The following CCDC3 variants were observed in gnomAD, a reference collection of about 807,000 sequenced individuals.
CCDC3 encodes coiled-coil domain-containing protein 3.
CCDC3 carries 24 observed loss-of-function variants against 21.4 expected under a neutral mutation model. That is an observed-to-expected ratio of 1.12 (90% CI 0.81 to 1.58). The LOEUF (loss-of-function observed/expected upper bound fraction) is 1.58, where lower values mean the gene tolerates loss of function less well. CCDC3 is among the 40% of genes most tolerant of loss of function. CCDC3 has a pLI of 0.00. For synonymous variants in CCDC3, 186 were observed against 166.0 expected (o/e 1.12, Z -0.93); for missense variants, 425 against 360.9 (o/e 1.18, Z -1.44).
At chr10:12,964,552 C>T (rs903801648) in intron 2 of CCDC3, among the ~76,000 whole-genome samples, 9 of 152,094 alleles carry the variant, frequency 5.9e-5, no homozygotes, top group Admixed American at 1.3e-4. Context: ...GAGAGAATGC[C>T]GAGCCAAAAG....
At chr10:12,923,986 G>A (rs1176738957) in intron 2 of CCDC3, among the ~76,000 whole-genome samples, 1 of 152,180 alleles carries the variant, frequency 6.6e-6, no homozygotes, top group African/African-American at 2.4e-5. Context: ...CCTTTGATAG[G>A]TGAATGAAAC....
chr10:13,044,644 C>A (rs965410757), intron 5 of CCDC3, among the ~76,000 whole-genome samples: 1 of 152,132 alleles, frequency 6.6e-6, no homozygotes, highest in Non-Finnish European at 1.5e-5. Context: ...TGTTGAAGAT[C>A]AGATGGCTGC....
chr10:12,975,999 T>C (rs1033252571), intron 2 of CCDC3, among the ~76,000 whole-genome samples: 1 of 152,076 alleles, frequency 6.6e-6, no homozygotes, highest in East Asian at 1.9e-4. Context: ...AGAGGTGGGG[T>C]TTCTGCTATT....
At position 13,011,479 on chromosome 10, in the gene CCDC3, A is replaced by G. The variant is rs373261065; in HGVS notation, c.-1-12967T>C. The stretch of plus-strand genomic sequence containing the variant: ...ACAATACCTAGGAATACAGCTAACC[A>G]GGGAGGTGAAAGATCTCTACAATAA... On this transcript the variant is annotated intron_variant, in intron 5 of 6. Coordinates refer to the CCDC3 transcript ENST00000378839. Among the ~76,000 whole-genome samples, 4 of 152,328 alleles carry G rather than the reference A, an allele frequency of 2.6e-5. No individual in the cohort carries two copies. In the East Asian group the frequency reaches 5.8e-4, roughly 22 times the overall value.
At chr10:13,001,990 AG>A (rs1217146859), upstream of CCDC3, among the ~76,000 whole-genome samples, 2 of 152,230 alleles carry the variant, frequency 1.3e-5, no homozygotes, top group African/African-American at 4.8e-5. Flanking sequence ...TGCAAACGCA[AG>A]GCATTCATTA....
At chr10:12,911,502 T>C (rs1834269987) in intron 2 of CCDC3, among the ~76,000 whole-genome samples, 1 of 152,234 alleles carries the variant, frequency 6.6e-6, no homozygotes, top group South Asian at 2.1e-4. Context: ...TCTATTTTAG[T>C]GGCATGATTT....
chr10:13,055,808 G>C (rs1836674752), intron 4 of CCDC3, among the ~76,000 whole-genome samples: 1 of 152,178 alleles, frequency 6.6e-6, no homozygotes, highest in East Asian at 1.9e-4. Context: ...ACATGCTACA[G>C]TCTCTCTTTT....
chr10:12,985,066 GA>G (rs911665023), intron 2 of CCDC3, among the ~76,000 whole-genome samples: 21 of 152,116 alleles, frequency 1.4e-4, no homozygotes, highest in Non-Finnish European at 2.5e-4. Flanking sequence ...CATAGCTATA[GA>G]TTTTTTTTAC....
intron 4 of CCDC3, among the ~76,000 whole-genome samples, chr10:13,065,034 C>T (rs1256060203): frequency 6.6e-6 from 1 of 152,008 alleles, no homozygotes; most frequent in East Asian, 1.9e-4. Flanking sequence ...TCCTCTTTAG[C>T]TTAGTGATTT....
intron 4 of CCDC3, among the ~76,000 whole-genome samples, chr10:13,066,692 A>G (rs1836823190): frequency 6.7e-6 from 1 of 148,686 alleles, no homozygotes; most frequent in African/African-American, 2.6e-5. Context: ...TTTTGTGCAG[A>G]TGAGGGAACC....
intron 2 of CCDC3, among the ~76,000 whole-genome samples, chr10:12,899,774 C>T (rs934031930): frequency 2.6e-5 from 4 of 152,192 alleles, no homozygotes; most frequent in African/African-American, 9.7e-5. Flanking sequence ...TCTCTGGGAG[C>T]ATATGCAAGA....
At chr10:12,933,122 G>T (rs1199846915) in intron 2 of CCDC3, among the ~76,000 whole-genome samples, 3 of 151,982 alleles carry the variant, frequency 2.0e-5, no homozygotes, top group South Asian at 2.1e-4. Flanking sequence ...TTGTTTTCTT[G>T]TAATGTCTTT....
At chr10:13,081,448 C>T (rs773033639) in intron 3 of CCDC3, among the ~76,000 whole-genome samples, 3 of 152,266 alleles carry the variant, frequency 2.0e-5, no homozygotes, top group East Asian at 1.9e-4. Context: ...CTGAGACTGC[C>T]GTTCACACAG....
intron 2 of CCDC3, among the ~76,000 whole-genome samples, chr10:12,995,021 G>A (rs891371584): frequency 7.3e-5 from 11 of 151,412 alleles, no homozygotes; most frequent in Non-Finnish European, 1.3e-4. Context: ...AGTGGGGATT[G>A]CAGTGAGCCG....
chr10:13,084,869 G>A (rs1837084188), intron 3 of CCDC3, among the ~76,000 whole-genome samples: 1 of 152,198 alleles, frequency 6.6e-6, no homozygotes, highest in Admixed American at 6.5e-5. Flanking sequence ...CCAGGCTTGT[G>A]TGGACACATC....
At position 12,914,397 on chromosome 10, in the gene CCDC3, G is replaced by A. The variant is rs1210498617; in HGVS notation, c.550-15718C>T. Among the ~76,000 whole-genome samples, 4 of 152,022 alleles carry A rather than the reference G, an allele frequency of 2.6e-5. No individual in the cohort carries two copies. In the East Asian group the frequency reaches 7.7e-4, roughly 29 times the overall value. ...CTGTGGTAGTCTTTTTTAGTCATTT[G>A]TATTTCTGCGGTATCAGTGTAATTT... On this transcript the variant is annotated intron_variant, in intron 2 of 2. Coordinates refer to ENST00000378825, the MANE Select transcript of CCDC3 (RefSeq NM_031455.4).
chr10:13,037,302 T>C (rs1836390002), intron 5 of CCDC3, among the ~76,000 whole-genome samples: 1 of 152,202 alleles, frequency 6.6e-6, no homozygotes, highest in Non-Finnish European at 1.5e-5. Context: ...CAAGTTTTTT[T>C]TAAATTAAAT....
intron 2 of CCDC3, among the ~76,000 whole-genome samples, chr10:12,936,757 G>C (rs1834745196): frequency 6.6e-6 from 1 of 152,124 alleles, no homozygotes; most frequent in Admixed American, 6.5e-5. Context: ...AAAAATTTTA[G>C]AAACTATTAG....
chr10:12,989,683 A>G (rs1188125964), intron 2 of CCDC3, among the ~76,000 whole-genome samples: 1 of 151,974 alleles, frequency 6.6e-6, no homozygotes, highest in East Asian at 1.9e-4. Flanking sequence ...CAGTCTCCCA[A>G]AGTGTTGGGA....
Sources: gnomAD v4.1 joint callset for allele counts (sites outside exome capture counted in the v4.1 genomes callset) on GRCh38, gnomAD v4.1.1 for gene constraint, MANE v1.5 for transcripts, NCBI Gene and HGNC (gene_info 2026-07-23, HGNC 2026-07-21) for gene names.